GABRG2: variants seen among roughly 807,000 people sequenced by gnomAD.
GABRG2 encodes the protein gamma-aminobutyric acid type A receptor subunit gamma2, also known as gamma-aminobutyric acid receptor subunit gamma-2.
GABRG2 carries 16 observed loss-of-function variants against 56.4 expected under a neutral mutation model. That is an observed-to-expected ratio of 0.28 (90% CI 0.19 to 0.43). GABRG2 has a LOEUF of 0.43. Among genes scored for constraint, GABRG2 ranks in the 20% least tolerant of loss-of-function variants. The pLI is 1.00. For missense variants in GABRG2, 327 were observed against 582.7 expected, an observed-to-expected ratio of 0.56 and a Z score of 4.52; for synonymous variants, 208 against 205.5, an observed-to-expected ratio of 1.01 and a Z score of -0.10.
intron 6 of GABRG2, among the ~76,000 whole-genome samples, chr5:162,123,580 T>G (rs1164673316): frequency 6.6e-6 from 1 of 151,920 alleles, no homozygotes; most frequent in Non-Finnish European, 1.5e-5. Flanking sequence ...TGTAAGTGTG[T>G]GTCTGTTTAC....
chr5:162,113,800 CA>C (rs1762420102), intron 6 of GABRG2, among the ~76,000 whole-genome samples: 1 of 152,154 alleles, frequency 6.6e-6, no homozygotes, highest in Admixed American at 6.5e-5. Flanking sequence ...AGAGGTAATG[CA>C]ATCATGGACA....
chr5:162,098,399 A>G (rs1452449130), intron 4 of GABRG2: 4 of 153,274 alleles, frequency 2.6e-5, no homozygotes, highest in East Asian at 1.9e-4. Flanking sequence ...TGAAGGAGCT[A>G]TGGTTCAGCC....
At chr5:162,151,513 A>T (rs1224893630) in intron 8 of GABRG2, 1 of 501,266 alleles carries the variant, frequency 2.0e-6, no homozygotes. Flanking sequence ...ATTTATTAAA[A>T]ATTTCACTAG....
At chr5:162,133,512 G>C (rs13181691) in intron 6 of GABRG2, among the ~76,000 whole-genome samples, 5,175 of 152,186 alleles carry the variant, frequency 0.034, 196 homozygotes, top group East Asian at 0.16. Flanking sequence ...ATTATACCAG[G>C]AAATTGCTGT....
intron 6 of GABRG2, among the ~76,000 whole-genome samples, chr5:162,112,026 A>G (rs1479038299): frequency 6.6e-6 from 1 of 152,126 alleles, no homozygotes; most frequent in Non-Finnish European, 1.5e-5. Flanking sequence ...AGATAGTATT[A>G]TTTACTAGTT....
intron 6 of GABRG2, among the ~76,000 whole-genome samples, chr5:162,106,616 T>G (rs1371066825): frequency 6.6e-6 from 1 of 152,214 alleles, no homozygotes; most frequent in Admixed American, 6.5e-5. Flanking sequence ...TCTTAGCCAA[T>G]TATAATGTGA....
chr5:162,081,648 C>T (rs1581313747), intron 1 of GABRG2, among the ~76,000 whole-genome samples: 2 of 152,036 alleles, frequency 1.3e-5, no homozygotes, highest in South Asian at 4.1e-4. Context: ...CAAATAAGCA[C>T]AGGAAAAGAG....
intron 1 of GABRG2, among the ~76,000 whole-genome samples, chr5:162,073,542 A>T (rs1380324483): frequency 6.6e-6 from 1 of 151,934 alleles, no homozygotes; most frequent in Non-Finnish European, 1.5e-5. Context: ...GACAAAAGTG[A>T]AGCAACGATA....
chr5:162,138,633 A>C (rs556849817), intron 6 of GABRG2, among the ~76,000 whole-genome samples: 2 of 152,334 alleles, frequency 1.3e-5, no homozygotes, highest in South Asian at 4.1e-4. Flanking sequence ...AACACTATTT[A>C]TGCCTTCAAA....
chr5:162,150,812 C>A (rs2113640691), intron 8 of GABRG2: 1 of 152,290 alleles, frequency 6.6e-6, no homozygotes, highest in African/African-American at 2.4e-5. Flanking sequence ...CATCATTATT[C>A]TTGATTTAAA....
At chr5:162,082,305 T>A (rs958258485) in intron 1 of GABRG2, among the ~76,000 whole-genome samples, 1 of 151,848 alleles carries the variant, frequency 6.6e-6, no homozygotes, top group Non-Finnish European at 1.5e-5. Flanking sequence ...TGTTATTTCA[T>A]TAAGGCACTC....
chr5:162,108,854 A>C (rs1762022406), intron 6 of GABRG2, among the ~76,000 whole-genome samples: 1 of 152,156 alleles, frequency 6.6e-6, no homozygotes, highest in Non-Finnish European at 1.5e-5. Context: ...CACCTTAAGA[A>C]AACATGATTT....
chr5:162,120,080 G>T (rs180857698), intron 6 of GABRG2, among the ~76,000 whole-genome samples: 3 of 152,142 alleles, frequency 2.0e-5, no homozygotes, highest in East Asian at 3.9e-4. Flanking sequence ...AATAACTGGG[G>T]TTTACTTGAG....
chr5:162,132,243 T>C (rs1763807120), intron 6 of GABRG2, among the ~76,000 whole-genome samples: 1 of 152,024 alleles, frequency 6.6e-6, no homozygotes, highest in Non-Finnish European at 1.5e-5. Flanking sequence ...CTGTCCTGTT[T>C]TTATAAATTG....
intron 1 of GABRG2, among the ~76,000 whole-genome samples, chr5:162,088,467 T>G (rs1206485954): frequency 1.3e-5 from 2 of 152,170 alleles, no homozygotes; most frequent in Non-Finnish European, 2.9e-5. Flanking sequence ...TACGTTAAAT[T>G]GCAAGCTTTC....
intron 1 of GABRG2, 140 bp downstream of exon 1, chr5:162,068,246 A>T: frequency 1.4e-6 from 1 of 690,360 alleles, no homozygotes; most frequent in Non-Finnish European, 2.6e-6. Context: ...GAGCGAATAT[A>T]TGGGGCGGGG....
At chr5:162,090,176 C>A (rs1760447419) in intron 1 of GABRG2, among the ~76,000 whole-genome samples, 1 of 151,906 alleles carries the variant, frequency 6.6e-6, no homozygotes, top group African/African-American at 2.4e-5. Context: ...ATCTAATATA[C>A]AACATGGAGA....
intron 6 of GABRG2, among the ~76,000 whole-genome samples, chr5:162,128,768 G>T (rs750429674): frequency 2.0e-5 from 3 of 151,962 alleles, no homozygotes; most frequent in Non-Finnish European, 4.4e-5. Context: ...TAATTCTGTG[G>T]TCATGGTTAT....
intron 6 of GABRG2, among the ~76,000 whole-genome samples, chr5:162,111,284 T>C (rs1014849808): frequency 2.6e-5 from 4 of 152,194 alleles, no homozygotes; most frequent in African/African-American, 9.6e-5. Context: ...TAAACAAAAA[T>C]GTTAACCAAA....
Sources: allele counts gnomAD v4.1 joint callset (sites outside exome capture counted in the v4.1 genomes callset), GRCh38; gene constraint gnomAD v4.1.1; transcripts MANE v1.5; gene names NCBI Gene and HGNC (gene_info 2026-07-23, HGNC 2026-07-21).